C3orf22: variants seen among roughly 807,000 people sequenced by gnomAD.
The protein encoded by C3orf22 is uncharacterized protein C3orf22.
Under a neutral mutation model 10.8 loss-of-function variants are expected in C3orf22, and 7 were observed. The ratio of observed to expected loss-of-function variants is 0.65; its 90% CI spans 0.37 to 1.22. The LOEUF (loss-of-function observed/expected upper bound fraction) is 1.22. Ranked by LOEUF, C3orf22 falls within the 50% of genes most tolerant of loss-of-function variation. C3orf22 has a pLI of 0.02. For synonymous variants in C3orf22, 79 were observed against 78.9 expected (o/e 1.00, Z 0.00); for missense variants, 173 against 177.0 (o/e 0.98, Z 0.13).
At chr3:126,534,584 G>A (rs1238228870) in intron 4 of C3orf22, among the ~76,000 whole-genome samples, 2 of 150,670 alleles carry the variant, frequency 1.3e-5, no homozygotes, top group African/African-American at 2.4e-5. Flanking sequence ...GACACACACA[G>A]AGAGCATCTC....
chr3:126,552,390 G>A (rs957501933), intron 2 of C3orf22, among the ~76,000 whole-genome samples: 13 of 152,184 alleles, frequency 8.5e-5, no homozygotes, highest in Admixed American at 3.3e-4. Flanking sequence ...GCAGCCAAAC[G>A]GTGCAGAGCA....
At position 126,542,420 on chromosome 3, in the gene C3orf22, G is replaced by A. The variant is rs1936984763; in HGVS notation, c.286+7117C>T. 4 of 1,551,652 alleles carry A rather than the reference G, an allele frequency of 2.6e-6. No individual in the cohort carries two copies. The highest frequency in any genetic ancestry group is 1.4e-5 in the African/African-American group (1 of 71,368). ...GGGCGCATCCGACCTGAGCTTCCCT[G>A]GGCCGCCGCGGCCCCGGGGAGCCGC... On this transcript the variant is annotated intron_variant and NMD_transcript_variant, in intron 4 of 5. Coordinates refer to the C3orf22 transcript ENST00000505070.
At chr3:126,534,151 G>T (rs1936714019) in intron 4 of C3orf22, among the ~76,000 whole-genome samples, 1 of 152,036 alleles carries the variant, frequency 6.6e-6, no homozygotes, top group Admixed American at 6.6e-5. Context: ...CAGTTTTTGA[G>T]ATCTTTTCAA....
chr3:126,539,964 C>T (rs566086608), intron 4 of C3orf22, among the ~76,000 whole-genome samples: 3 of 43,102 alleles, frequency 7.0e-5, no homozygotes, highest in Middle Eastern at 6.7e-3. Flanking sequence ...ACATGCCACA[C>T]ACACACAAAT....
intron 4 of C3orf22, chr3:126,543,138 C>G (rs1937007875): frequency 6.6e-6 from 1 of 152,268 alleles, no homozygotes; most frequent in Non-Finnish European, 1.5e-5. Flanking sequence ...CTGGCCCTAC[C>G]CAGGCGCCAC....
chr3:126,551,052 G>C (rs1209815812), intron 3 of C3orf22, among the ~76,000 whole-genome samples: 3 of 152,282 alleles, frequency 2.0e-5, no homozygotes, highest in African/African-American at 7.2e-5. Flanking sequence ...GAACTACGGG[G>C]AGTGAGGCCT....
At chr3:126,544,733 C>T (rs1937037913), downstream of C3orf22, among the ~76,000 whole-genome samples, 1 of 152,230 alleles carries the variant, frequency 6.6e-6, no homozygotes, top group East Asian at 1.9e-4. Flanking sequence ...CTCCTGCTGT[C>T]ATGCCCTCAG....
intron 4 of C3orf22, among the ~76,000 whole-genome samples, chr3:126,538,936 A>G (rs1936861510): frequency 6.6e-6 from 1 of 152,168 alleles, no homozygotes; most frequent in Non-Finnish European, 1.5e-5. Context: ...AGTGAAGAGT[A>G]GGTCTCCTTG....
Sources: gnomAD v4.1 joint callset for allele counts (sites outside exome capture counted in the v4.1 genomes callset) on GRCh38, gnomAD v4.1.1 for gene constraint, MANE v1.5 for transcripts, NCBI Gene and HGNC (gene_info 2026-07-23, HGNC 2026-07-21) for gene names.